Variants in HHLA2 observed in about 807,000 individuals in gnomAD.
The protein encoded by HHLA2 is HERV-H LTR-associating protein 2.
A neutral mutation model predicts 45.9 loss-of-function variants in HHLA2; 48 were observed. That is an observed-to-expected ratio of 1.05 (90% CI 0.83 to 1.33). HHLA2 has a LOEUF of 1.33. Among genes scored for constraint, HHLA2 ranks in the 40% most tolerant of loss-of-function variants. HHLA2 has a pLI of 0.00. For synonymous variants in HHLA2, 161 were observed against 173.9 expected (o/e 0.93, Z 0.59); for missense variants, 462 against 494.3 (o/e 0.93, Z 0.62).
intron 1 of HHLA2, among the ~76,000 whole-genome samples, chr3:108,304,734 A>G (rs1170335439): frequency 6.6e-6 from 1 of 152,156 alleles, no homozygotes; most frequent in East Asian, 1.9e-4. Flanking sequence ...TGTTCTGCAG[A>G]TCGCTAATCT....
intron 1 of HHLA2, among the ~76,000 whole-genome samples, chr3:108,300,843 CTTTAT>C (rs1212427780): frequency 1.3e-5 from 2 of 152,048 alleles, no homozygotes; most frequent in Non-Finnish European, 2.9e-5. Context: ...TTCCCAAACA[CTTTAT>C]TTTAATAATG....
intron 1 of HHLA2, among the ~76,000 whole-genome samples, chr3:108,306,886 C>T (rs977591145): frequency 7.9e-5 from 12 of 152,012 alleles, no homozygotes; most frequent in Admixed American, 5.9e-4. Context: ...GACAGAGTCT[C>T]GCTCTGTCAC....
intron 3 of HHLA2, among the ~76,000 whole-genome samples, chr3:108,332,588 T>C (rs886860449): frequency 1.3e-5 from 2 of 152,164 alleles, no homozygotes; most frequent in Non-Finnish European, 2.9e-5. Context: ...AACTGGAGTG[T>C]GTGCCCAACT....
intron 3 of HHLA2, among the ~76,000 whole-genome samples, chr3:108,330,275 C>A (rs1576126978): frequency 6.6e-6 from 1 of 152,230 alleles, no homozygotes; most frequent in Non-Finnish European, 1.5e-5. Flanking sequence ...AGTCTGGATA[C>A]CAGGAAGTGA....
At chr3:108,347,395 T>C (rs1037438754) in intron 3 of HHLA2, among the ~76,000 whole-genome samples, 12 of 152,142 alleles carry the variant, frequency 7.9e-5, no homozygotes, top group African/African-American at 2.4e-4. Context: ...GACCCTTGAA[T>C]TGGAGCACTT....
intron 3 of HHLA2, among the ~76,000 whole-genome samples, chr3:108,333,196 A>T (rs114624013): frequency 0.016 from 2,481 of 152,274 alleles, 55 homozygotes; most frequent in African/African-American, 0.054. Context: ...AGGCTGATGA[A>T]GCATCCCGAC....
At chr3:108,321,327 C>CTCTT (rs2081198262) in intron 2 of HHLA2, among the ~76,000 whole-genome samples, 2 of 152,142 alleles carry the variant, frequency 1.3e-5, no homozygotes, top group Non-Finnish European at 2.9e-5. Flanking sequence ...TGGTGGAGCA[C>CTCTT]ATTTTCCCAT....
intron 2 of HHLA2, among the ~76,000 whole-genome samples, chr3:108,314,341 TA>T (rs35811968): frequency 0.039 from 5,724 of 146,228 alleles, 122 homozygotes; most frequent in Middle Eastern, 0.06. Context: ...TACTGTCTCT[TA>T]AAAAAAAAAA....
rs574065880 is a variant in HHLA2, at chr3:108,318,715, A to G, written c.-105+7974A>G. The stretch of plus-strand genomic sequence containing the variant: ...ACTAACATTTTACTCATGCTGTCAA[A>G]TATTTTCCTACCCACATATATTTTG... On this transcript the variant is annotated intron_variant, in intron 2 of 10. Coordinates refer to ENST00000619531, the Ensembl canonical transcript of HHLA2. 1.6e-3 allele frequency among the ~76,000 whole-genome samples: 246 copies of G among 152,322 alleles called. 1 individual carries two copies. The highest frequency in any genetic ancestry group is 2.9e-3 in the Non-Finnish European group (196 of 68,026).
chr3:108,368,599 A>T (rs2082109707), intron 8 of HHLA2, among the ~76,000 whole-genome samples: 1 of 149,836 alleles, frequency 6.7e-6, no homozygotes. Flanking sequence ...GTCTCTGATA[A>T]AACAGACTTT....
At chr3:108,372,897 G>A (rs962139667) in intron 8 of HHLA2, among the ~76,000 whole-genome samples, 3 of 152,176 alleles carry the variant, frequency 2.0e-5, no homozygotes, top group African/African-American at 4.8e-5. Context: ...TCTACCAGAG[G>A]TACAAAGGAG....
chr3:108,347,918 T>C (rs1458700745), intron 3 of HHLA2, among the ~76,000 whole-genome samples: 1 of 152,096 alleles, frequency 6.6e-6, no homozygotes, highest in African/African-American at 2.4e-5. Context: ...AAGAACAGGA[T>C]AGTTTCTGCT....
At chr3:108,358,530 C>A (rs1180609406) in intron 7 of HHLA2, among the ~76,000 whole-genome samples, 2 of 152,160 alleles carry the variant, frequency 1.3e-5, no homozygotes, top group Admixed American at 1.3e-4. Context: ...TAGGAAGTTA[C>A]AATCGGGGTC....
At chr3:108,365,097 C>T (rs911141367) in intron 8 of HHLA2, among the ~76,000 whole-genome samples, 1 of 152,100 alleles carries the variant, frequency 6.6e-6, no homozygotes, top group Admixed American at 6.5e-5. Context: ...ATGATATTGC[C>T]TAGGTTTTCT....
intron 6 of HHLA2, 81 bp downstream of exon 5, chr3:108,355,462 G>A: frequency 6.8e-7 from 1 of 1,467,564 alleles, no homozygotes; most frequent in South Asian, 1.4e-5. Context: ...AAAAAAGAAA[G>A]GAAGATGAAA....
chr3:108,338,879 C>T (rs992877040), intron 3 of HHLA2, among the ~76,000 whole-genome samples: 2 of 152,128 alleles, frequency 1.3e-5, no homozygotes, highest in African/African-American at 4.8e-5. Flanking sequence ...CATAAATGTC[C>T]CCTACACACT....
chr3:108,355,006 A>T, intron 5 of HHLA2, 109 bp from the exon 5 acceptor site: 1 of 1,204,150 alleles, frequency 8.3e-7, no homozygotes. Context: ...AGTTTTGCTC[A>T]TAAAATTTAG....
rs1489610115 is a variant in HHLA2 at position 108,301,356 on chromosome 3, GA to G, written c.-192+4760del. On this transcript the variant is annotated intron_variant, in intron 1 of 10. Transcript: ENST00000619531. Reference sequence around the variant, plus strand: ...TGTGAATTCCAGAGACGTGACTGCAGAAATAGATGACTGAATACTAAGTATG... The same window carrying G: ...TGTGAATTCCAGAGACGTGACTGCAGAATAGATGACTGAATACTAAGTATG... Among the ~76,000 whole-genome samples the G allele has an allele frequency of 5.3e-5, 8 of 152,236 alleles. No homozygotes were observed. The East Asian group carries it at 1.5e-3, about 29-fold the overall frequency.
At chr3:108,314,739 A>T (rs2081075930) in intron 2 of HHLA2, among the ~76,000 whole-genome samples, 1 of 152,214 alleles carries the variant, frequency 6.6e-6, no homozygotes, top group Non-Finnish European at 1.5e-5. Flanking sequence ...ATCCACTGCC[A>T]CCTTGAACCT....
Sources: allele counts gnomAD v4.1 joint callset (sites outside exome capture counted in the v4.1 genomes callset), GRCh38; gene constraint gnomAD v4.1.1; transcripts MANE v1.5; gene names NCBI Gene and HGNC (gene_info 2026-07-23, HGNC 2026-07-21).